Variants in ABRAXAS1 observed in about 807,000 individuals in gnomAD.
ABRAXAS1 encodes the protein BRCA1-A complex subunit Abraxas 1.
In ABRAXAS1, 26 loss-of-function variants were observed where a neutral mutation model predicts 38.4. The ratio of observed to expected loss-of-function variants is 0.68; its 90% confidence interval spans 0.50 to 0.94. The LOEUF is 0.94. Among genes scored for constraint, ABRAXAS1 ranks in the 40% least tolerant of loss-of-function variants. The probability of loss-of-function intolerance (pLI) is 0.00; values close to 1 mark genes in which losing one functional copy is unlikely to be tolerated. For synonymous variants in ABRAXAS1, 144 were observed against 165.5 expected, an observed-to-expected ratio of 0.87 and a Z score of 1.00; for missense variants, 438 against 481.9, an observed-to-expected ratio of 0.91 and a Z score of 0.85.
intron 3 of ABRAXAS1, among the ~76,000 whole-genome samples, chr4:83,472,676 C>G (rs1011358871): frequency 2.0e-5 from 3 of 152,010 alleles, no homozygotes; most frequent in African/African-American, 7.2e-5. Flanking sequence ...AATGTATAAC[C>G]AGTAATGAAG....
intron 2 of ABRAXAS1, among the ~76,000 whole-genome samples, chr4:83,477,120 T>G (rs1479023718): frequency 6.6e-6 from 1 of 152,228 alleles, no homozygotes; most frequent in African/African-American, 2.4e-5. Context: ...AATAATATGT[T>G]GATCTTGGAT....
intron 7 of ABRAXAS1, 41 bp from the exon 8 acceptor site, chr4:83,463,649 A>G (rs745440424): frequency 8.5e-7 from 1 of 1,180,812 alleles, no homozygotes; most frequent in Non-Finnish European, 1.2e-6. Context: ...TAATATTTCA[A>G]GCTGTGTACT....
chr4:83,459,564 T>C lies in ABRAXAS1; in HGVS notation c.*2905A>G, dbSNP rs1049472100. 63 of 569,802 alleles carry C rather than the reference T, an allele frequency of 1.1e-4. No individual in the cohort carries two copies. In the African/African-American group the frequency reaches 1.2e-3, roughly 11 times the overall value. The allele number at this position is 569,802 out of a possible 1,614,324, so 35.3% of individuals were successfully genotyped here. A position where few individuals can be genotyped will look rare whatever the true frequency, so the allele number is the denominator to read the frequency against. On this transcript the variant is annotated 3_prime_UTR_variant, in exon 9 of 9. Coordinates refer to ENST00000321945, the MANE Select transcript of ABRAXAS1 (RefSeq NM_139076.3). ...TTATATATAGACTTGACACACTGGA[T>C]AGAAAATATTTAAAAGGTAACAGGA...
chr4:83,461,635 A>G lies in ABRAXAS1; in HGVS notation c.*834T>C, dbSNP rs768123031. On this transcript the variant is annotated 3_prime_UTR_variant, in exon 9 of 9. Coordinates refer to ENST00000321945, the MANE Select transcript of ABRAXAS1 (RefSeq NM_139076.3). The stretch of plus-strand genomic sequence containing the variant: ...CCCTCAAACCAGTAGTGTCTTTTAC[A>G]TGAAGAGATGATTTACACCTAATAG... 6.2e-5 allele frequency: 17 copies of G among 275,560 alleles called. No homozygotes were observed. The highest frequency in any genetic ancestry group is 1.1e-4 in the Non-Finnish European group (15 of 142,392). 17.1% of individuals were successfully genotyped at this position (275,560 alleles called of 1,614,324 possible).
intron 4 of ABRAXAS1, among the ~76,000 whole-genome samples, chr4:83,470,785 G>C (rs1407223121): frequency 6.6e-6 from 1 of 152,112 alleles, no homozygotes; most frequent in African/African-American, 2.4e-5. Flanking sequence ...TCGCCTGTAT[G>C]GACACTTGGT....
rs1167031221 is a variant in ABRAXAS1 at position 83,472,299 on chromosome 4, C to A, written c.216-11G>T. ...GAAGAATTATAAAAGCTGTAAAAGCCAAAATTAAAGGTATTTCAAATACGC... is the reference window on the plus strand; with the variant it reads ...GAAGAATTATAAAAGCTGTAAAAGCAAAAATTAAAGGTATTTCAAATACGC... On this transcript the variant is annotated splice_polypyrimidine_tract_variant and intron_variant, in intron 3 of 8. Transcript: ENST00000321945. 1.4e-6 allele frequency: 2 copies of A among 1,471,762 alleles called. No homozygotes were observed. Among genetic ancestry groups the A allele is most frequent in the East Asian group, 5.2e-5 (2 of 38,824 alleles). 91.2% of individuals were successfully genotyped at this position (1,471,762 alleles called of 1,614,324 possible). A position where few individuals can be genotyped will look rare whatever the true frequency, so the allele number is the denominator to read the frequency against.
chr4:83,480,123 C>A, intron 2 of ABRAXAS1: 1 of 242,002 alleles, frequency 4.1e-6, no homozygotes, highest in Non-Finnish European at 8.4e-6. Flanking sequence ...AATCCCAGCA[C>A]TTTGGGAGGC....
intron 3 of ABRAXAS1, among the ~76,000 whole-genome samples, chr4:83,473,598 A>G (rs575369798): frequency 4.0e-4 from 61 of 151,952 alleles, no homozygotes; most frequent in Non-Finnish European, 6.9e-4. Flanking sequence ...GTGGTTCACT[A>G]TAGCCTTGAC....
In ABRAXAS1 at chr4:83,470,263, A is replaced by G. The variant is rs780316562; in HGVS notation, c.416T>C (p.Ile139Thr). ...DLVFLLLTPS[I>T]ITESCSTHRL... ...ATGAGTAGAGCAGCTTTCTGTTATTATACTTGGTGTTAATAGCAGAAAAAC... is the reference window on the plus strand; with the variant it reads ...ATGAGTAGAGCAGCTTTCTGTTATTGTACTTGGTGTTAATAGCAGAAAAAC... The change falls in exon 5 of 9, where the codon ATA becomes ACA. Residue 139 changes from isoleucine (I) to threonine (T), a missense_variant. Transcript: ENST00000321945. 6 of 1,613,692 alleles carry G rather than the reference A, an allele frequency of 3.7e-6. No individual in the cohort carries two copies. Among genetic ancestry groups the G allele is most frequent in the Non-Finnish European group, 5.1e-6 (6 of 1,179,802 alleles).
rs1318574424 is a variant in ABRAXAS1 at position 83,461,526 on chromosome 4, A to T, written c.*943T>A. The T allele has an allele frequency of 3.0e-6, 1 of 328,152 alleles. No individual in the cohort carries two copies. Among genetic ancestry groups the T allele is most frequent in the Non-Finnish European group, 5.8e-6 (1 of 173,586 alleles). 20.3% of individuals were successfully genotyped at this position (328,152 alleles called of 1,614,324 possible). On this transcript the variant is annotated 3_prime_UTR_variant, in exon 9 of 9. Coordinates refer to ENST00000321945, the MANE Select transcript of ABRAXAS1 (RefSeq NM_139076.3). The stretch of plus-strand genomic sequence containing the variant: ...TAGCAAATATAAGTATGCCTGGTTA[A>T]GATATCTTCCCTTTGTAGAAATGTT...
In ABRAXAS1 at chr4:83,460,606, C is replaced by T. The variant is rs568553937; in HGVS notation, c.*1863G>A. The T allele has an allele frequency of 3.1e-4, 68 of 216,072 alleles. 1 individual carries two copies. The highest frequency in any genetic ancestry group is 3.1e-3 in the South Asian group (46 of 14,910). The allele number at this position is 216,072 out of a possible 1,614,324, so 13.4% of individuals were successfully genotyped here. ...ACAAAAATGATTTACCAATCCTTGA[C>T]TTAAAAACTTGTTGAGGCTGGGCAT... On this transcript the variant is annotated 3_prime_UTR_variant, in exon 9 of 9. Transcript: ENST00000321945.
At position 83,480,399 on chromosome 4, in the gene ABRAXAS1, C is replaced by CAT. The variant is rs745759995; in HGVS notation, c.178+1753_178+1754dup. 4.0e-5 allele frequency: 16 copies of CAT among 402,858 alleles called. No individual in the cohort carries two copies. In the East Asian group the frequency reaches 6.1e-4, roughly 15 times the overall value. 25.0% of individuals were successfully genotyped at this position (402,858 alleles called of 1,614,324 possible). On this transcript the variant is annotated intron_variant, in intron 2 of 8. Transcript: ENST00000321945. ...AACAAAAACAAAATGTATATATACA[C>CAT]ATATATATACACACACACATTTACA... is the stretch of plus-strand genomic sequence containing the variant.
At chr4:83,463,756 G>A (rs1267954576) in intron 7 of ABRAXAS1, 148 bp from the exon 8 acceptor site, 2 of 430,866 alleles carry the variant, frequency 4.6e-6, no homozygotes, top group African/African-American at 2.0e-5. Context: ...TTTTCTGGAG[G>A]ATGTCAGTAA....
At chr4:83,469,220 A>G in intron 5 of ABRAXAS1, 69 bp from the exon 6 acceptor site, 1 of 1,350,548 alleles carries the variant, frequency 7.4e-7, no homozygotes, top group South Asian at 1.2e-5. Flanking sequence ...CTGCTGGAAT[A>G]GATTACTTGT....
At chr4:83,473,242 T>G (rs941885501) in intron 3 of ABRAXAS1, among the ~76,000 whole-genome samples, 6 of 152,314 alleles carry the variant, frequency 3.9e-5, no homozygotes, top group Admixed American at 6.5e-5. Context: ...ATGGCACTAC[T>G]GCACTCCAGG....
In ABRAXAS1 at chr4:83,467,548, A is replaced by C; in HGVS notation, c.597-10T>G. On this transcript the variant is annotated splice_polypyrimidine_tract_variant and intron_variant, in intron 6 of 8. Transcript: ENST00000321945. The stretch of plus-strand genomic sequence containing the variant: ...TTCAAAAAATTTAGAGCTGTAAAAA[A>C]TTACCATTTCCTCAGGCAAATACAC... 7.1e-7 allele frequency: 1 copy of C among 1,405,262 alleles called. No homozygotes were observed. Among genetic ancestry groups the C allele is most frequent in the Middle Eastern group, 1.8e-4 (1 of 5,664 alleles). 87.0% of individuals were successfully genotyped at this position (1,405,262 alleles called of 1,614,324 possible). A position where few individuals can be genotyped will look rare whatever the true frequency, so the allele number is the denominator to read the frequency against.
Position 83,484,082 on chromosome 4 carries a change from G to A in ABRAXAS1, c.87+904C>T, listed in dbSNP as rs556671086. On this transcript the variant is annotated intron_variant, in intron 1 of 8. Coordinates refer to ENST00000321945, the MANE Select transcript of ABRAXAS1 (RefSeq NM_139076.3). ...CGGGTCTCACTACGTTGTCCCCGATGGTCTCGAACTCGTGGGCTCAGGTGA... is the reference window on the plus strand; with the variant it reads ...CGGGTCTCACTACGTTGTCCCCGATAGTCTCGAACTCGTGGGCTCAGGTGA... 13 of 947,756 alleles carry A rather than the reference G, an allele frequency of 1.4e-5. 1 individual carries two copies. The Admixed American group carries it at 3.7e-4, about 27-fold the overall frequency. 58.7% of individuals were successfully genotyped at this position (947,756 alleles called of 1,614,324 possible).
Position 83,461,027 on chromosome 4 carries a change from T to G in ABRAXAS1, c.*1442A>C. ...ACAAAAGCAATTAAGAGAGCTCAAA[T>G]AATGGGTAAGAAAGAATACCTCAAC... On this transcript the variant is annotated 3_prime_UTR_variant, in exon 9 of 9. Transcript: ENST00000321945. 1 of 1,612,562 alleles carries G rather than the reference T, an allele frequency of 6.2e-7. No individual in the cohort carries two copies. The highest frequency in any genetic ancestry group is 1.1e-5 in the South Asian group (1 of 90,814).
rs559420526 is a variant in ABRAXAS1 at position 83,460,489 on chromosome 4, A to G, written c.*1980T>C. 1 of 161,040 alleles carries G rather than the reference A, an allele frequency of 6.2e-6. No homozygotes were observed. The highest frequency in any genetic ancestry group is 1.3e-5 in the Non-Finnish European group (1 of 74,416). The allele number at this position is 161,040 out of a possible 1,614,324, so 10.0% of individuals were successfully genotyped here. A position where few individuals can be genotyped will look rare whatever the true frequency, so the allele number is the denominator to read the frequency against. ...TTTGTAGTTTTGTTTACGTAGTGCC[A>G]TATGGTTGTTTTCGAGCTACAACAG... On this transcript the variant is annotated 3_prime_UTR_variant, in exon 9 of 9. Transcript: ENST00000321945.
Sources: allele counts gnomAD v4.1 joint callset (sites outside exome capture counted in the v4.1 genomes callset), GRCh38; gene constraint gnomAD v4.1.1; transcripts MANE v1.5; gene names NCBI Gene and HGNC (gene_info 2026-07-23, HGNC 2026-07-21).